EIF4G3: variants seen among roughly 807,000 people sequenced by gnomAD.
The protein encoded by EIF4G3 is eIF-4-gamma 3.
In EIF4G3, 34 loss-of-function variants were observed where a neutral mutation model predicts 186.4. That is an observed-to-expected ratio of 0.18 (90% CI 0.14 to 0.24). EIF4G3 has a LOEUF of 0.24. Among genes scored for constraint, EIF4G3 ranks in the 10% least tolerant of loss-of-function variants. The probability of loss-of-function intolerance (pLI) is 1.00; values close to 1 mark genes in which losing one functional copy is unlikely to be tolerated. For missense variants in EIF4G3, 1,536 were observed against 1,948.5 expected, an observed-to-expected ratio of 0.79 and a Z score of 3.99; for synonymous variants, 673 against 679.5, an observed-to-expected ratio of 0.99 and a Z score of 0.15.
intron 2 of EIF4G3, among the ~76,000 whole-genome samples, chr1:21,132,029 T>G (rs1182740011): frequency 6.6e-6 from 1 of 151,940 alleles, no homozygotes. Flanking sequence ...AACACAGAAT[T>G]TTATGTGAGG....
At chr1:20,806,355 CTCTCTCTCGTTTTA>C (rs1455628466), downstream of EIF4G3, 1 of 152,638 alleles carries the variant, frequency 6.6e-6, no homozygotes, top group Non-Finnish European at 1.5e-5. Context: ...CACTCTCTCA[CTCTCTCTCGTTTTA>C]TCTCTCTCCC....
intron 2 of EIF4G3, among the ~76,000 whole-genome samples, chr1:21,124,872 G>C (rs369011244): frequency 2.6e-5 from 4 of 152,202 alleles, no homozygotes; most frequent in Middle Eastern, 3.4e-3. Context: ...TCAAAAAGGG[G>C]AATTAATATT....
At chr1:21,038,615 A>AC (rs1419863284) in intron 4 of EIF4G3, among the ~76,000 whole-genome samples, 10 of 152,028 alleles carry the variant, frequency 6.6e-5, no homozygotes, top group African/African-American at 2.4e-4. Context: ...GTCCTGATAT[A>AC]CCCCTAATTC....
intron 31 of EIF4G3, among the ~76,000 whole-genome samples, chr1:20,828,453 T>C (rs1364895117): frequency 6.6e-6 from 1 of 152,212 alleles, no homozygotes; most frequent in Non-Finnish European, 1.5e-5. Context: ...CCATAGGATA[T>C]CTATACTCTA....
At chr1:21,097,198 C>T (rs1336057424) in intron 2 of EIF4G3, among the ~76,000 whole-genome samples, 4 of 152,146 alleles carry the variant, frequency 2.6e-5, no homozygotes, top group Non-Finnish European at 5.9e-5. Context: ...CACGATCTTT[C>T]CAATTTTGTA....
At chr1:20,863,507 C>A (rs1281066042) in intron 22 of EIF4G3, among the ~76,000 whole-genome samples, 1 of 144,544 alleles carries the variant, frequency 6.9e-6, no homozygotes, top group Non-Finnish European at 1.5e-5. Context: ...TGCGATGGCG[C>A]AATCTTGGCT....
intron 24 of EIF4G3, 112 bp downstream of exon 24, chr1:20,860,273 T>C: frequency 7.0e-7 from 1 of 1,436,214 alleles, no homozygotes; most frequent in Non-Finnish European, 9.5e-7. Context: ...CAATCACCAC[T>C]CTATTCTTTG....
intron 3 of EIF4G3, among the ~76,000 whole-genome samples, chr1:21,062,683 G>A (rs1272488786): frequency 3.3e-5 from 5 of 152,120 alleles, no homozygotes; most frequent in Admixed American, 1.3e-4. Context: ...ACTGCCTCCC[G>A]GGTTCAAGCG....
At chr1:20,813,551 A>G (rs928741475) in intron 34 of EIF4G3, among the ~76,000 whole-genome samples, 4 of 152,004 alleles carry the variant, frequency 2.6e-5, no homozygotes, top group African/African-American at 9.7e-5. Flanking sequence ...CATGGGTGAC[A>G]GAGCGAGACC....
chr1:20,883,162 G>A (rs998025725), intron 19 of EIF4G3, among the ~76,000 whole-genome samples: 9 of 151,728 alleles, frequency 5.9e-5, no homozygotes, highest in African/African-American at 2.2e-4. Flanking sequence ...AATGAAGCAC[G>A]AAACACAGTT....
At chr1:21,148,075 T>C (rs1029408317) in intron 2 of EIF4G3, among the ~76,000 whole-genome samples, 1 of 152,176 alleles carries the variant, frequency 6.6e-6, no homozygotes, top group Non-Finnish European at 1.5e-5. Context: ...CATGGCTTTT[T>C]TTCTTTTCAA....
intron 4 of EIF4G3, among the ~76,000 whole-genome samples, chr1:21,050,181 A>G (rs376930019): frequency 1.3e-5 from 2 of 152,352 alleles, no homozygotes; most frequent in South Asian, 2.1e-4. Context: ...AAGGGACTTT[A>G]TAACTCTAGC....
Position 20,809,542 on chromosome 1 carries a change from C to T in EIF4G3, c.4744+1196G>A, listed in dbSNP as rs1024638795. Among the ~76,000 whole-genome samples, 4 of 152,186 alleles carry T rather than the reference C, an allele frequency of 2.6e-5. 1 individual carries two copies. Among genetic ancestry groups the T allele is most frequent in the African/African-American group, 9.7e-5 (4 of 41,446 alleles). ...CAAGTATCACTAAGACTTAAGTGTA[C>T]AGGTTACTTTGTTTCATTAGCCAAG... is the stretch of plus-strand genomic sequence containing the variant. On this transcript the variant is annotated intron_variant, in intron 36 of 36. Transcript: ENST00000602326.
chr1:21,084,566 A>C (rs2095898497), intron 3 of EIF4G3, among the ~76,000 whole-genome samples: 1 of 152,156 alleles, frequency 6.6e-6, no homozygotes, highest in African/African-American at 2.4e-5. Context: ...AAACCATACC[A>C]GTCCACATAA....
At chr1:20,954,439 G>C (rs888564250) in intron 12 of EIF4G3, among the ~76,000 whole-genome samples, 2 of 150,708 alleles carry the variant, frequency 1.3e-5, no homozygotes, top group African/African-American at 4.9e-5. Context: ...GGGAGGCTGA[G>C]GCAGGAGAAT....
chr1:20,958,753 C>T (rs1232653113), intron 12 of EIF4G3, among the ~76,000 whole-genome samples: 2 of 152,100 alleles, frequency 1.3e-5, no homozygotes, highest in Non-Finnish European at 2.9e-5. Flanking sequence ...TATACACCAA[C>T]AACGACCAAG....
At chr1:21,050,073 A>G (rs905140744) in intron 4 of EIF4G3, among the ~76,000 whole-genome samples, 2 of 152,228 alleles carry the variant, frequency 1.3e-5, no homozygotes, top group Non-Finnish European at 2.9e-5. Context: ...TGTTATAAAA[A>G]TGATTTTCAT....
At chr1:21,164,251 T>C (rs1009401189) in intron 2 of EIF4G3, among the ~76,000 whole-genome samples, 1 of 152,216 alleles carries the variant, frequency 6.6e-6, no homozygotes, top group South Asian at 2.1e-4. Context: ...CAAATGCTTA[T>C]ACTCTATTTT....
intron 15 of EIF4G3, among the ~76,000 whole-genome samples, chr1:20,902,973 T>C (rs1295544220): frequency 1.3e-5 from 2 of 152,196 alleles, no homozygotes; most frequent in African/African-American, 4.8e-5. Flanking sequence ...GAAAAAGTGA[T>C]TGGTTCAAAA....
Sources: gnomAD v4.1 joint callset for allele counts (sites outside exome capture counted in the v4.1 genomes callset) on GRCh38, gnomAD v4.1.1 for gene constraint, MANE v1.5 for transcripts, NCBI Gene and HGNC (gene_info 2026-07-23, HGNC 2026-07-21) for gene names.